EML5: variants seen among roughly 807,000 people sequenced by gnomAD.
EML5 encodes the protein EMAP like 5, also known as echinoderm microtubule-associated protein-like 5.
In EML5, 120 loss-of-function variants were observed where a neutral mutation model predicts 250.0. The ratio of observed to expected loss-of-function variants is 0.48; its 90% confidence interval spans 0.41 to 0.56. The LOEUF is 0.56. EML5 is among the 20% of genes least tolerant of loss of function. The pLI is 0.00. For synonymous variants in EML5, 771 were observed against 806.5 expected (o/e 0.96, Z 0.75); for missense variants, 2,006 against 2,437.6 (o/e 0.82, Z 3.73).
chr14:88,757,907 G>A (rs932793584), intron 1 of EML5, among the ~76,000 whole-genome samples: 1 of 151,322 alleles, frequency 6.6e-6, no homozygotes, highest in African/African-American at 2.4e-5. Context: ...CTGGAGTACA[G>A]TGACACAATC....
intron 21 of EML5, among the ~76,000 whole-genome samples, chr14:88,678,373 G>A: frequency 6.6e-6 from 1 of 152,064 alleles, no homozygotes; most frequent in Non-Finnish European, 1.5e-5. Context: ...GGTGCAACAA[G>A]CCATCATGGC....
intron 8 of EML5, among the ~76,000 whole-genome samples, chr14:88,718,754 G>A (rs2093543157): frequency 6.6e-6 from 1 of 152,150 alleles, no homozygotes; most frequent in Admixed American, 6.5e-5. Context: ...GTAGAAATGT[G>A]ATGTAAGAGA....
At chr14:88,695,219 ATTAT>A in intron 16 of EML5, 138 bp downstream of exon 16, 8 of 627,632 alleles carry the variant, frequency 1.3e-5, no homozygotes, top group Non-Finnish European at 2.2e-5. Context: ...CTATGATTAT[ATTAT>A]TTATTCAATG....
chr14:88,734,406 A>G (rs1226243945), intron 7 of EML5, among the ~76,000 whole-genome samples: 1 of 152,086 alleles, frequency 6.6e-6, no homozygotes, highest in Admixed American at 6.6e-5. Context: ...AACGGGGGCA[A>G]TATTTCTTGA....
chr14:88,727,174 C>A (rs1034812811), intron 7 of EML5, among the ~76,000 whole-genome samples: 4 of 152,136 alleles, frequency 2.6e-5, no homozygotes, highest in African/African-American at 9.7e-5. Flanking sequence ...AAAAATGTAA[C>A]ACTCAAAGTC....
At chr14:88,782,046 G>A (rs1352098839) in intron 1 of EML5, among the ~76,000 whole-genome samples, 2 of 152,194 alleles carry the variant, frequency 1.3e-5, no homozygotes, top group Non-Finnish European at 2.9e-5. Flanking sequence ...AAGACTTGGA[G>A]GGCTCCGAAG....
chr14:88,738,378 G>T (rs1417405363), intron 6 of EML5, among the ~76,000 whole-genome samples: 1 of 150,630 alleles, frequency 6.6e-6, no homozygotes, highest in Non-Finnish European at 1.5e-5. Flanking sequence ...ATAGTAAAAG[G>T]TCCTGTTTTA....
Position 88,715,206 on chromosome 14 carries a change from G to GA in EML5, c.1188-12dup. On this transcript the variant is annotated splice_polypyrimidine_tract_variant and intron_variant, in intron 8 of 43. Transcript: ENST00000554922. Reference sequence around the variant, plus strand: ...ACTTCCGTCATATCTCTGTTAAAAAGAAAAAAATGAGACTACATGAACAGA... The same window carrying GA: ...ACTTCCGTCATATCTCTGTTAAAAAGAAAAAAAATGAGACTACATGAACAGA... 6.4e-7 allele frequency: 1 copy of GA among 1,556,646 alleles called. No individual in the cohort carries two copies. Among genetic ancestry groups the GA allele is most frequent in the Non-Finnish European group, 8.7e-7 (1 of 1,153,316 alleles).
intron 8 of EML5, among the ~76,000 whole-genome samples, chr14:88,723,278 G>A (rs2093618097): frequency 6.6e-6 from 1 of 152,082 alleles, no homozygotes; most frequent in Non-Finnish European, 1.5e-5. Flanking sequence ...TTTTAGAAAA[G>A]GAAGAAAATC....
intron 1 of EML5, among the ~76,000 whole-genome samples, chr14:88,776,586 A>G (rs1464142553): frequency 2.0e-5 from 3 of 152,048 alleles, no homozygotes; most frequent in African/African-American, 7.2e-5. Flanking sequence ...AAAAAATAAA[A>G]AACAATGAAG....
intron 2 of EML5, among the ~76,000 whole-genome samples, chr14:88,750,299 G>A (rs2094073127): frequency 6.6e-6 from 1 of 152,026 alleles, no homozygotes; most frequent in African/African-American, 2.4e-5. Context: ...CTTCACAGGG[G>A]TCACTATGAG....
chr14:88,644,750 G>T, intron 29 of EML5: 1 of 345,508 alleles, frequency 2.9e-6, no homozygotes, highest in South Asian at 4.0e-5. Context: ...TCACTCTGTC[G>T]CCCATGCTGG....
intron 24 of EML5, among the ~76,000 whole-genome samples, chr14:88,662,699 T>C (rs992861356): frequency 1.3e-5 from 2 of 152,094 alleles, no homozygotes; most frequent in Admixed American, 6.6e-5. Flanking sequence ...CATGCCACCA[T>C]GCCCAGCTAA....
At chr14:88,650,396 G>A (rs1014882282) in intron 27 of EML5, among the ~76,000 whole-genome samples, 5 of 152,180 alleles carry the variant, frequency 3.3e-5, no homozygotes, top group Admixed American at 6.6e-5. Context: ...GGAGGTTGTA[G>A]TGAGCCAAAA....
At chr14:88,617,999 C>A in intron 41 of EML5, 1 of 231,902 alleles carries the variant, frequency 4.3e-6, no homozygotes. Flanking sequence ...AAAGTTAAAA[C>A]TTTGATTTCC....
intron 1 of EML5, among the ~76,000 whole-genome samples, chr14:88,766,353 A>C (rs995641709): frequency 6.6e-6 from 1 of 152,226 alleles, no homozygotes. Context: ...TCTTTTTCTC[A>C]GCAAGGAACA....
chr14:88,671,795 A>C (rs1250973311), intron 21 of EML5, among the ~76,000 whole-genome samples: 1 of 152,160 alleles, frequency 6.6e-6, no homozygotes, highest in Non-Finnish European at 1.5e-5. Flanking sequence ...AAGATCAAAA[A>C]AGACAAAGAT....
rs1595369510 is a variant in EML5 at position 88,649,901 on chromosome 14, A to G, written c.4019+11T>C. ...TTTTGAATAAAATATTTTCTTTTAT[A>G]AAACACTTACCTTACTACTCCCTGC... On this transcript the variant is annotated intron_variant, in intron 28 of 43. Coordinates refer to ENST00000554922, the MANE Select transcript of EML5 (RefSeq NM_183387.3). 3.3e-6 allele frequency: 5 copies of G among 1,493,476 alleles called. No homozygotes were observed. The highest frequency in any genetic ancestry group is 4.5e-6 in the Non-Finnish European group (5 of 1,122,170). 92.5% of individuals were successfully genotyped at this position (1,493,476 alleles called of 1,614,324 possible).
At chr14:88,664,245 C>T (rs562433291) in intron 23 of EML5, among the ~76,000 whole-genome samples, 1 of 147,266 alleles carries the variant, frequency 6.8e-6, no homozygotes, top group South Asian at 2.1e-4. Context: ...CCACAGCATT[C>T]CAGCCTGGGT....
Sources: allele counts gnomAD v4.1 joint callset (sites outside exome capture counted in the v4.1 genomes callset), GRCh38; gene constraint gnomAD v4.1.1; transcripts MANE v1.5; gene names NCBI Gene and HGNC (gene_info 2026-07-23, HGNC 2026-07-21).